Variants in MCF2L2 observed in about 807,000 individuals in gnomAD.
MCF2L2 encodes MCF.2 cell line derived transforming sequence-like 2.
A neutral mutation model predicts 150.2 loss-of-function variants in MCF2L2; 102 were observed. The ratio of observed to expected loss-of-function variants is 0.68; its 90% CI spans 0.58 to 0.80. MCF2L2 has a LOEUF of 0.80. Among genes scored for constraint, MCF2L2 ranks in the 30% least tolerant of loss-of-function variants. The probability of loss-of-function intolerance (pLI) is 0.00; values close to 1 mark genes in which losing one functional copy is unlikely to be tolerated. For synonymous variants in MCF2L2, 465 were observed against 491.3 expected (o/e 0.95, Z 0.71); for missense variants, 1,256 against 1,372.8 (o/e 0.91, Z 1.34).
At chr3:183,413,429 C>T (rs1715424464) in intron 1 of MCF2L2, among the ~76,000 whole-genome samples, 1 of 152,156 alleles carries the variant, frequency 6.6e-6, no homozygotes, top group Non-Finnish European at 1.5e-5. Context: ...GCCCTCCCTT[C>T]CCATGGGTCT....
chr3:183,422,350 A>G (rs762522875), intron 1 of MCF2L2, among the ~76,000 whole-genome samples: 2 of 152,144 alleles, frequency 1.3e-5, no homozygotes, highest in Non-Finnish European at 2.9e-5. Context: ...CAAACCCTCT[A>G]TTCTTCCAGA....
chr3:183,400,589 C>A, intron 1 of MCF2L2: 1 of 395,918 alleles, frequency 2.5e-6, no homozygotes, highest in South Asian at 1.8e-5. Flanking sequence ...CGGTTAATCT[C>A]CCTGAAGTTC....
Position 183,216,006 on chromosome 3 carries a change from T to C in MCF2L2, c.2459A>G (p.Glu820Gly). ...CACTGCTGCTAGGTCCACAGCCAAC[T>C]CACAGGACTTGATCAAATCCTCTAT... The part of the protein sequence containing the change: ...AVIEDLIKSC[E>G]LAVDLAAVTE... Residue 820 changes from glutamate to glycine, a missense_variant, in exon 22 of 30, where the codon GAG becomes GGG. Transcript: ENST00000328913. The C allele has an allele frequency of 4.3e-6, 7 of 1,614,014 alleles. No individual in the cohort carries two copies. Among genetic ancestry groups the C allele is most frequent in the Non-Finnish European group, 5.9e-6 (7 of 1,179,928 alleles).
In MCF2L2 at chr3:183,297,097, T is replaced by G. The variant is rs1217806331; in HGVS notation, c.1376A>C (p.Glu459Ala). 1.2e-6 allele frequency: 2 copies of G among 1,614,140 alleles called. No homozygotes were observed. Among genetic ancestry groups the G allele is most frequent in the South Asian group, 2.2e-5 (2 of 91,082 alleles). Residue 459 changes from glutamate (E) to alanine (A), a missense_variant, in exon 12 of 30, where the codon GAA becomes GCA. By Grantham distance (107) the Glu-to-Ala change is moderately radical (BLOSUM62 -1). Transcript: ENST00000328913. ...SQAVDKCQSR[E>A]GVDIALNDIA... Reference sequence around the variant, plus strand: ...GTCGTTCAAGGCGATATCAACCCCTTCTCGAGACTGGCACTTGTCTACAGC... The same window carrying G: ...GTCGTTCAAGGCGATATCAACCCCTGCTCGAGACTGGCACTTGTCTACAGC...
chr3:183,392,298 A>G (rs752138477), intron 1 of MCF2L2, among the ~76,000 whole-genome samples: 15 of 152,280 alleles, frequency 9.9e-5, no homozygotes, highest in Admixed American at 2.6e-4. Context: ...ATAACTGTAG[A>G]GCCCGGATCA....
chr3:183,289,268 C>T (rs1727981442), intron 13 of MCF2L2, 48 bp from the exon 14 acceptor site: 2 of 1,269,092 alleles, frequency 1.6e-6, no homozygotes, highest in Non-Finnish European at 2.3e-6. Context: ...TAAACTATAA[C>T]TCAGTGCACT....
chr3:183,201,715 GAATACTTCCAGTT>G (rs1368295959), intron 25 of MCF2L2, among the ~76,000 whole-genome samples: 2 of 152,146 alleles, frequency 1.3e-5, no homozygotes, highest in African/African-American at 2.4e-5. Flanking sequence ...GTTTCAAAGG[GAATACTTCCAGTT>G]TTTGCCCATT....
intron 5 of MCF2L2, among the ~76,000 whole-genome samples, chr3:183,324,119 T>C (rs576944317): frequency 2.0e-5 from 3 of 151,988 alleles, no homozygotes; most frequent in Admixed American, 1.3e-4. Context: ...ACACAAAGAG[T>C]ATGCATTGAA....
chr3:183,193,334 C>A (rs1377227925), intron 26 of MCF2L2, among the ~76,000 whole-genome samples: 1 of 149,838 alleles, frequency 6.7e-6, no homozygotes, highest in African/African-American at 2.5e-5. Context: ...TAATTGGCTG[C>A]AAATCTTTTT....
At chr3:183,275,102 CCT>C in intron 15 of MCF2L2, among the ~76,000 whole-genome samples, 1 of 152,268 alleles carries the variant, frequency 6.6e-6, no homozygotes, top group African/African-American at 2.4e-5. Context: ...AATTCTACCT[CCT>C]CTCTTCCCTT....
At chr3:183,203,345 A>G (rs1010698710) in intron 25 of MCF2L2, among the ~76,000 whole-genome samples, 5 of 152,266 alleles carry the variant, frequency 3.3e-5, no homozygotes, top group African/African-American at 1.2e-4. Flanking sequence ...GACTAAAGGA[A>G]AGCACAAGAA....
chr3:183,271,792 T>C (rs1726805683), intron 15 of MCF2L2: 1 of 166,994 alleles, frequency 6.0e-6, no homozygotes, highest in South Asian at 2.1e-4. Context: ...AGTTTGTTAT[T>C]TGAATGTAAT....
At position 183,341,579 on chromosome 3, in the gene MCF2L2, G is replaced by A. The variant is rs201817406; in HGVS notation, c.327C>T (p.Asp109=). The A allele has an allele frequency of 2.5e-6, 4 of 1,613,896 alleles. No individual in the cohort carries two copies. Among genetic ancestry groups the A allele is most frequent in the Non-Finnish European group, 3.4e-6 (4 of 1,179,904 alleles). ...AGGATGCCTTTACGGAGCTCCACTT[G>A]TCTCTTCGTCTGTCGATAACAACAA... ...GFIVVIDRRR[D]KWSSVKASLT... Residue 109 remains aspartate, a synonymous_variant, in exon 4 of 30, where the codon GAC becomes GAT. Transcript: ENST00000328913.
At position 183,323,292 on chromosome 3, in the gene MCF2L2, G is replaced by C. The variant is rs369064450; in HGVS notation, c.546C>G (p.Thr182=). Residue 182 remains threonine (T), a synonymous_variant, in exon 6 of 30, where the codon ACC becomes ACG. Coordinates refer to ENST00000328913, the MANE Select transcript of MCF2L2 (RefSeq NM_015078.4). ...LHGYIDKSQL[T]RELGGTLEYR... Reference sequence around the variant, plus strand: ...ATTCCAAAGTCCCCCCTAATTCCCGGGTCAGTTGGCTTTTGTCGATGTAGC... The same window carrying C: ...ATTCCAAAGTCCCCCCTAATTCCCGCGTCAGTTGGCTTTTGTCGATGTAGC... 1.9e-6 allele frequency: 3 copies of C among 1,613,536 alleles called. No individual in the cohort carries two copies. The highest frequency in any genetic ancestry group is 3.3e-5 in the Admixed American group (2 of 59,976).
rs1721408416 is a variant in MCF2L2 at position 183,178,918 on chromosome 3, C to G, written c.*462G>C. 1.3e-5 allele frequency: 2 copies of G among 153,198 alleles called. No individual in the cohort carries two copies. The highest frequency in any genetic ancestry group is 1.9e-4 in the East Asian group (1 of 5,230). 9.5% of individuals were successfully genotyped at this position (153,198 alleles called of 1,614,324 possible). The stretch of plus-strand genomic sequence containing the variant: ...AGGCTCGGGCTAAGCGGCTCTCAAC[C>G]GATTCCCACCCCGCCCTGGAGAAAT... On this transcript the variant is annotated 3_prime_UTR_variant, in exon 30 of 30. Coordinates refer to ENST00000328913, the MANE Select transcript of MCF2L2 (RefSeq NM_015078.4).
chr3:183,232,397 T>A (rs1723600044), intron 15 of MCF2L2, among the ~76,000 whole-genome samples: 1 of 152,176 alleles, frequency 6.6e-6, no homozygotes, highest in African/African-American at 2.4e-5. Context: ...TGTGGTCAGT[T>A]TTTATATAGC....
chr3:183,382,514 A>C (rs780215146), intron 2 of MCF2L2, among the ~76,000 whole-genome samples: 22 of 152,214 alleles, frequency 1.4e-4, no homozygotes, highest in Non-Finnish European at 2.9e-4. Flanking sequence ...TATTAGTCTT[A>C]AGAGGCAGAA....
chr3:183,414,522 T>G (rs1715485418), intron 1 of MCF2L2, among the ~76,000 whole-genome samples: 1 of 152,202 alleles, frequency 6.6e-6, no homozygotes, highest in Admixed American at 6.5e-5. Flanking sequence ...TCTGATTTTG[T>G]TGATTTTCTG....
chr3:183,372,046 C>A (rs1712919787), intron 3 of MCF2L2: 1 of 148,096 alleles, frequency 6.8e-6, no homozygotes, highest in African/African-American at 2.5e-5. Context: ...TTGTAGCTAT[C>A]TTCTTTAGGA....
Sources: gnomAD v4.1 joint callset for allele counts (sites outside exome capture counted in the v4.1 genomes callset) on GRCh38, gnomAD v4.1.1 for gene constraint, MANE v1.5 for transcripts, NCBI Gene and HGNC (gene_info 2026-07-23, HGNC 2026-07-21) for gene names.